The following AVEN variants were observed in gnomAD, a reference collection of about 807,000 sequenced individuals.
AVEN encodes cell death regulator Aven.
A neutral mutation model predicts 38.1 loss-of-function variants in AVEN; 41 were observed. The ratio of observed to expected loss-of-function variants is 1.08; its 90% CI spans 0.84 to 1.40. The LOEUF (loss-of-function observed/expected upper bound fraction) is 1.40. AVEN is among the 40% of genes most tolerant of loss of function. The pLI is 0.00. For missense variants in AVEN, 605 were observed against 438.8 expected (o/e 1.38, Z -3.38); for synonymous variants, 206 against 171.8 (o/e 1.20, Z -1.56).
chr15:33,983,162 G>GTGTGTGTGTA (rs1896240610), intron 2 of AVEN, among the ~76,000 whole-genome samples: 4 of 87,204 alleles, frequency 4.6e-5, no homozygotes, highest in African/African-American at 3.1e-4. Flanking sequence ...GTGTGTGTAT[G>GTGTGTGTGTA]TGTGTGTGTA....
intron 2 of AVEN, among the ~76,000 whole-genome samples, chr15:33,938,884 G>A (rs1290027861): frequency 6.6e-6 from 1 of 151,724 alleles, no homozygotes; most frequent in East Asian, 1.9e-4. Flanking sequence ...TCTTGTTGCC[G>A]AGGCTGGAAT....
chr15:34,042,976 G>A (rs1899535226), upstream of AVEN, among the ~76,000 whole-genome samples: 4 of 151,938 alleles, frequency 2.6e-5, no homozygotes, highest in Admixed American at 6.6e-5. Flanking sequence ...GGCCAGGCGC[G>A]GTGGCTCACG....
At chr15:33,859,773 T>C in intron 11 of AVEN, 1 of 1,552,814 alleles carries the variant, frequency 6.4e-7, no homozygotes, top group South Asian at 1.2e-5. Flanking sequence ...GGGTTTAATC[T>C]AGTTCTTTTT....
chr15:34,033,191 A>G (rs145068872), intron 1 of AVEN, among the ~76,000 whole-genome samples: 46 of 152,272 alleles, frequency 3.0e-4, no homozygotes, highest in Middle Eastern at 3.4e-3. Context: ...CTCATTCACA[A>G]TGAAGTTTTA....
chr15:34,072,392 C>T (rs1900645171), intron 1 of AVEN, among the ~76,000 whole-genome samples: 3 of 151,974 alleles, frequency 2.0e-5, no homozygotes, highest in African/African-American at 7.2e-5. Context: ...GTGGGCAGAT[C>T]ACGAGGTCAG....
chr15:34,070,728 T>C (rs1283648187), intron 1 of AVEN, among the ~76,000 whole-genome samples: 4 of 152,172 alleles, frequency 2.6e-5, no homozygotes, highest in African/African-American at 9.7e-5. Flanking sequence ...GTAGAACAAG[T>C]TGAACAACTC....
chr15:34,038,057 T>G (rs1442198371), intron 1 of AVEN, among the ~76,000 whole-genome samples: 1 of 152,154 alleles, frequency 6.6e-6, no homozygotes, highest in Admixed American at 6.6e-5. Context: ...AAAAACTTCC[T>G]TCTATGAATG....
At chr15:33,855,895 T>G (rs1280385631), downstream of AVEN, 2 of 152,192 alleles carry the variant, frequency 1.3e-5, no homozygotes, top group Non-Finnish European at 2.9e-5. Context: ...TTCAAACTGT[T>G]TAGCATTTCA....
At position 33,876,082 on chromosome 15, in the gene AVEN, A is replaced by G. The variant is rs573103570; in HGVS notation, c.446-87T>C. ...ATTTCCCTGCTAGAGCAAAAGTGCC[A>G]TTTCTGAAGTGCTCAAACTCAAAGG... is the stretch of plus-strand genomic sequence containing the variant. On this transcript the variant is annotated intron_variant, in intron 2 of 5. Coordinates refer to ENST00000306730, the MANE Select transcript of AVEN (RefSeq NM_020371.3). 2.0e-5 allele frequency: 25 copies of G among 1,244,770 alleles called. No individual in the cohort carries two copies. In the South Asian group the frequency reaches 2.4e-4, roughly 12 times the overall value. The allele number at this position is 1,244,770 out of a possible 1,614,324, so 77.1% of individuals were successfully genotyped here.
chr15:33,859,739 T>G (rs1384289916), intron 11 of AVEN: 9 of 1,602,128 alleles, frequency 5.6e-6, no homozygotes, highest in Non-Finnish European at 6.8e-6. Context: ...AAGGTATGAT[T>G]GCCAATTGTG....
At chr15:33,890,870 G>C (rs1891916015) in intron 2 of AVEN, among the ~76,000 whole-genome samples, 1 of 152,192 alleles carries the variant, frequency 6.6e-6, no homozygotes, top group South Asian at 2.1e-4. Context: ...CCAGCACTTT[G>C]GGAGGCTGAA....
the AVEN span, chr15:33,853,628 T>C: frequency 2.5e-6 from 4 of 1,614,034 alleles, no homozygotes; most frequent in Non-Finnish European, 2.5e-6. Context: ...AAAAATGCTC[T>C]TGACTTTAGC....
chr15:33,994,179 C>T (rs929142283), intron 2 of AVEN, among the ~76,000 whole-genome samples: 4 of 152,160 alleles, frequency 2.6e-5, no homozygotes, highest in Non-Finnish European at 4.4e-5. Flanking sequence ...ACAGCCACTC[C>T]CTACTGCTTG....
At chr15:33,920,444 G>A (rs985279317) in intron 2 of AVEN, among the ~76,000 whole-genome samples, 1 of 152,074 alleles carries the variant, frequency 6.6e-6, no homozygotes, top group Non-Finnish European at 1.5e-5. Flanking sequence ...GTCTTTTTGA[G>A]GCTGGCTTAT....
chr15:33,875,730 T>C (rs954593254), intron 3 of AVEN, among the ~76,000 whole-genome samples, 195 bp downstream of exon 3: 3 of 152,116 alleles, frequency 2.0e-5, no homozygotes, highest in Admixed American at 6.5e-5. Flanking sequence ...GATGGCCAGG[T>C]AGAAAGGTGA....
intron 2 of AVEN, among the ~76,000 whole-genome samples, chr15:33,961,987 G>A (rs1449514344): frequency 1.3e-5 from 2 of 152,100 alleles, no homozygotes; most frequent in African/African-American, 2.4e-5. Flanking sequence ...GGTTTGGGGG[G>A]CAGAGCACAG....
At chr15:33,945,456 T>C (rs1029261886) in intron 2 of AVEN, among the ~76,000 whole-genome samples, 3 of 152,182 alleles carry the variant, frequency 2.0e-5, no homozygotes, top group African/African-American at 7.2e-5. Context: ...TTAATTTTTC[T>C]CAATTCCAAA....
At chr15:33,995,655 A>T (rs1896902465) in intron 2 of AVEN, among the ~76,000 whole-genome samples, 1 of 152,256 alleles carries the variant, frequency 6.6e-6, no homozygotes, top group Non-Finnish European at 1.5e-5. Context: ...TACTGAAATG[A>T]CTAAATGAAT....
chr15:33,855,299 G>A (rs1022691796), downstream of AVEN, among the ~76,000 whole-genome samples: 4 of 152,118 alleles, frequency 2.6e-5, no homozygotes, highest in Admixed American at 1.3e-4. Context: ...CCAGGTCCCA[G>A]TTCAAGCAAT....
Sources: gnomAD v4.1 joint callset for allele counts (sites outside exome capture counted in the v4.1 genomes callset) on GRCh38, gnomAD v4.1.1 for gene constraint, MANE v1.5 for transcripts, NCBI Gene and HGNC (gene_info 2026-07-23, HGNC 2026-07-21) for gene names.